Variants in GPC6 observed in about 807,000 individuals in gnomAD.
GPC6 encodes glypican 6.
Under a neutral mutation model 55.2 loss-of-function variants are expected in GPC6, and 14 were observed. The ratio of observed to expected loss-of-function variants is 0.25; its 90% CI spans 0.17 to 0.40. The LOEUF (loss-of-function observed/expected upper bound fraction) is 0.40, where lower values mean the gene tolerates loss of function less well. GPC6 is among the 10% of genes least tolerant of loss of function. GPC6 has a pLI of 1.00. For synonymous variants in GPC6, 278 were observed against 259.6 expected (o/e 1.07, Z -0.68); for missense variants, 641 against 708.5 (o/e 0.90, Z 1.08).
At chr13:94,098,495 A>G (rs927663073) in intron 4 of GPC6, among the ~76,000 whole-genome samples, 2 of 152,212 alleles carry the variant, frequency 1.3e-5, no homozygotes, top group Non-Finnish European at 2.9e-5. Flanking sequence ...GCTATCTACC[A>G]GAGCTCTTGT....
At chr13:93,394,794 T>TTTTATTTATTTA (rs35986845) in intron 1 of GPC6, among the ~76,000 whole-genome samples, 1,540 of 151,122 alleles carry the variant, frequency 0.01, 28 homozygotes, top group African/African-American at 0.035. Flanking sequence ...TATTAGGTAA[T>TTTTATTTATTTA]TTTATTTATT....
chr13:93,525,565 A>G (rs1881613301), intron 1 of GPC6, among the ~76,000 whole-genome samples: 1 of 152,088 alleles, frequency 6.6e-6, no homozygotes. Flanking sequence ...TATAAAGTAC[A>G]ACAGGATAGA....
At chr13:93,300,944 G>A (rs972171395) in intron 1 of GPC6, among the ~76,000 whole-genome samples, 5 of 152,038 alleles carry the variant, frequency 3.3e-5, no homozygotes, top group African/African-American at 7.2e-5. Context: ...ATTTGAACCC[G>A]GGAGGCAGAG....
chr13:94,023,573 C>T (rs541766692), intron 3 of GPC6, among the ~76,000 whole-genome samples: 191 of 152,038 alleles, frequency 1.3e-3, no homozygotes, highest in African/African-American at 4.4e-3. Flanking sequence ...CGATTTCTTA[C>T]AAAACGAAAC....
intron 4 of GPC6, among the ~76,000 whole-genome samples, chr13:94,246,519 C>G (rs1400004747): frequency 1.3e-5 from 2 of 152,096 alleles, no homozygotes; most frequent in Admixed American, 6.5e-5. Flanking sequence ...TTTATTAATT[C>G]CAAGTTGATT....
intron 3 of GPC6, among the ~76,000 whole-genome samples, chr13:93,996,829 C>A (rs1881578384): frequency 1.3e-5 from 2 of 152,148 alleles, no homozygotes; most frequent in African/African-American, 4.8e-5. Flanking sequence ...GTAGGCTTGT[C>A]ACTTTTCACA....
chr13:93,381,210 A>G (rs1875153314), intron 1 of GPC6, among the ~76,000 whole-genome samples: 1 of 152,158 alleles, frequency 6.6e-6, no homozygotes, highest in South Asian at 2.1e-4. Context: ...AAGTGTGTGT[A>G]CCTGAGGTTA....
intron 3 of GPC6, among the ~76,000 whole-genome samples, chr13:93,863,948 C>CA (rs1888888773): frequency 6.6e-6 from 1 of 151,760 alleles, no homozygotes; most frequent in African/African-American, 2.4e-5. Flanking sequence ...CAGTACTAGT[C>CA]AAAAAAGTCT....
At chr13:93,969,148 T>C (rs1372784637) in intron 3 of GPC6, among the ~76,000 whole-genome samples, 1 of 152,194 alleles carries the variant, frequency 6.6e-6, no homozygotes, top group Non-Finnish European at 1.5e-5. Context: ...TTCCCAGCTA[T>C]GTTCTACTTC....
At chr13:93,833,887 C>CTGACTCTTAGAAGCACCATG (rs1196139177) in intron 3 of GPC6, among the ~76,000 whole-genome samples, 1 of 152,084 alleles carries the variant, frequency 6.6e-6, no homozygotes, top group Non-Finnish European at 1.5e-5. Context: ...AACTCTAGGT[C>CTGACTCTTAGAAGCACCATG]TGACTCTTAG....
At chr13:94,045,790 A>G (rs2138745952) in intron 4 of GPC6, among the ~76,000 whole-genome samples, 1 of 151,614 alleles carries the variant, frequency 6.6e-6, no homozygotes, top group South Asian at 2.1e-4. Context: ...ACTCTCTACC[A>G]TTGCCATACC....
At chr13:93,309,044 CA>C (rs1480534786) in intron 1 of GPC6, among the ~76,000 whole-genome samples, 1 of 152,006 alleles carries the variant, frequency 6.6e-6, no homozygotes, top group Non-Finnish European at 1.5e-5. Context: ...TATAGTGGAA[CA>C]AAATACTGAA....
At position 93,754,506 on chromosome 13, in the gene GPC6, A is replaced by G. The variant is rs574805014; in HGVS notation, c.320-75648A>G. ...CGCTTATTCCCAGTACAAGAAAATG[A>G]CACATATGGCTGAGTAGCAGGGTGC... On this transcript the variant is annotated intron_variant, in intron 2 of 8. Coordinates refer to ENST00000377047, the MANE Select transcript of GPC6 (RefSeq NM_005708.5). Among the ~76,000 whole-genome samples, 4 of 152,260 alleles carry G rather than the reference A, an allele frequency of 2.6e-5. No individual in the cohort carries two copies. In the South Asian group the frequency reaches 8.3e-4, roughly 32 times the overall value.
intron 1 of GPC6, among the ~76,000 whole-genome samples, chr13:93,448,221 G>A (rs1878085103): frequency 6.6e-6 from 1 of 152,178 alleles, no homozygotes; most frequent in Admixed American, 6.5e-5. Context: ...CCAGATGATT[G>A]TAATATAGCT....
At chr13:93,992,515 G>C (rs1324056033) in intron 3 of GPC6, among the ~76,000 whole-genome samples, 2 of 152,106 alleles carry the variant, frequency 1.3e-5, no homozygotes, top group Non-Finnish European at 2.9e-5. Context: ...AGAGAAGTTT[G>C]TTGATTTAAT....
chr13:93,867,893 A>G (rs1555338112), intron 3 of GPC6, among the ~76,000 whole-genome samples: 1 of 151,788 alleles, frequency 6.6e-6, no homozygotes, highest in Non-Finnish European at 1.5e-5. Context: ...TGTGGGACCC[A>G]GGTCCAAAGC....
intron 1 of GPC6, among the ~76,000 whole-genome samples, chr13:93,435,648 A>T (rs1255944042): frequency 2.0e-5 from 3 of 152,184 alleles, no homozygotes; most frequent in Non-Finnish European, 2.9e-5. Context: ...GATCCTTGAT[A>T]ACACAAAGTT....
chr13:93,906,109 G>A (rs1876651246), intron 3 of GPC6, among the ~76,000 whole-genome samples: 1 of 152,120 alleles, frequency 6.6e-6, no homozygotes. Context: ...GAACCTCAGT[G>A]CAAGAGTGCA....
chr13:93,604,675 C>T (rs933054621), intron 2 of GPC6, among the ~76,000 whole-genome samples: 2 of 151,584 alleles, frequency 1.3e-5, no homozygotes, highest in Non-Finnish European at 2.9e-5. Context: ...GCTCTCTGCA[C>T]GATTAAAAAA....
Sources: gnomAD v4.1 joint callset for allele counts (sites outside exome capture counted in the v4.1 genomes callset) on GRCh38, gnomAD v4.1.1 for gene constraint, MANE v1.5 for transcripts, NCBI Gene and HGNC (gene_info 2026-07-23, HGNC 2026-07-21) for gene names.